Variants in NDUFS1 observed in about 807,000 individuals in gnomAD.
NDUFS1 encodes the protein NADH:ubiquinone oxidoreductase core subunit S1.
A neutral mutation model predicts 84.4 loss-of-function variants in NDUFS1; 61 were observed. The observed-to-expected ratio is 0.72, with a 90% confidence interval of 0.59 to 0.89. NDUFS1 has a LOEUF of 0.89. NDUFS1 is among the 40% of genes least tolerant of loss of function. The pLI is 0.00. For synonymous variants in NDUFS1, 275 were observed against 290.0 expected (o/e 0.95, Z 0.53); for missense variants, 891 against 890.0 (o/e 1.00, Z -0.01).
In NDUFS1 at chr2:206,116,417, C is replaced by T. The variant is rs1280238353; in HGVS notation, c.*7768G>A. ...CGCCCATCCCAAGCTGCCAGGGCCT[C>T]GATAGGCAGGGCGCGGCAGGTGCCA... On this transcript the variant is annotated 3_prime_UTR_variant, in exon 19 of 19. Coordinates refer to ENST00000233190, the MANE Select transcript of NDUFS1 (RefSeq NM_005006.7). The T allele has an allele frequency of 1.2e-4, 95 of 809,854 alleles. No individual in the cohort carries two copies. The highest frequency in any genetic ancestry group is 2.8e-4 in the Middle Eastern group (1 of 3,608). 50.2% of individuals were successfully genotyped at this position (809,854 alleles called of 1,614,324 possible).
intron 1 of NDUFS1, among the ~76,000 whole-genome samples, chr2:206,158,896 A>G (rs4147708): frequency 0.53 from 79,799 of 151,826 alleles, 22,474 homozygotes; most frequent in African/African-American, 0.73. Flanking sequence ...AACAAACAGA[A>G]GCGTGAGCCA....
chr2:206,123,624 A>G lies in NDUFS1; in HGVS notation c.*561T>C, dbSNP rs146538309. On this transcript the variant is annotated 3_prime_UTR_variant, in exon 19 of 19. Transcript: ENST00000233190. ...TAAAATGAGATAATACTACTATCTC[A>G]CAGGGTTGTAGCAAGAACAAAAGAA... is the stretch of plus-strand genomic sequence containing the variant. 216 of 152,712 alleles carry G rather than the reference A, an allele frequency of 1.4e-3. No homozygotes were observed. The highest frequency in any genetic ancestry group is 4.3e-3 in the Admixed American group (66 of 15,320). The allele number at this position is 152,712 out of a possible 1,614,324, so 9.5% of individuals were successfully genotyped here.
chr2:206,123,751 C>T lies in NDUFS1; in HGVS notation c.*434G>A, dbSNP rs1030859213. 2 of 161,212 alleles carry T rather than the reference C, an allele frequency of 1.2e-5. No individual in the cohort carries two copies. The highest frequency in any genetic ancestry group is 4.8e-5 in the African/African-American group (2 of 41,498). 10.0% of individuals were successfully genotyped at this position (161,212 alleles called of 1,614,324 possible). ...TTATTAATTATAATTATCCTAGATA[C>T]ATATCTGAGCATGATTATGTATTTT... On this transcript the variant is annotated 3_prime_UTR_variant, in exon 19 of 19. Coordinates refer to ENST00000233190, the MANE Select transcript of NDUFS1 (RefSeq NM_005006.7).
chr2:206,154,333 G>A (rs193243612), intron 1 of NDUFS1, among the ~76,000 whole-genome samples: 1 of 152,324 alleles, frequency 6.6e-6, no homozygotes, highest in Non-Finnish European at 1.5e-5. Flanking sequence ...CTCAACTGAG[G>A]ACAATTTTGC....
chr2:206,158,177 T>A (rs1039865841), intron 1 of NDUFS1, among the ~76,000 whole-genome samples: 1 of 152,074 alleles, frequency 6.6e-6, no homozygotes, highest in Admixed American at 6.6e-5. Flanking sequence ...TTAGCCAGGA[T>A]GGTCTCGATC....
At chr2:206,138,853 C>T (rs770817746) in intron 12 of NDUFS1, among the ~76,000 whole-genome samples, 49 of 152,222 alleles carry the variant, frequency 3.2e-4, no homozygotes, top group Non-Finnish European at 6.0e-4. Context: ...CAGTGGCTCA[C>T]ACCTGTAAAT....
At chr2:206,131,352 C>G (rs1426599504) in intron 14 of NDUFS1, among the ~76,000 whole-genome samples, 1 of 152,122 alleles carries the variant, frequency 6.6e-6, no homozygotes, top group Non-Finnish European at 1.5e-5. Context: ...ATAGTATATT[C>G]ATGATATCAA....
rs1691311992 is a variant in NDUFS1, at chr2:206,126,817, T to C, written c.1912A>G (p.Thr638Ala). ...EIAGMTLPYD[T>A]LDQVRNRLEE... Reference sequence around the variant, plus strand: ...AATCTGTTCCTTACTTGATCCAGAGTATCATATGGAAGAGTCATTCCAGCA... The same window carrying C: ...AATCTGTTCCTTACTTGATCCAGAGCATCATATGGAAGAGTCATTCCAGCA... The change falls in exon 17 of 19, where the codon ACT becomes GCT. Residue 638 changes from threonine to alanine, a missense_variant. By Grantham distance (58) the Thr-to-Ala change is moderately conservative. Transcript: ENST00000233190. 1.2e-6 allele frequency: 2 copies of C among 1,613,944 alleles called. No individual in the cohort carries two copies. Among genetic ancestry groups the C allele is most frequent in the African/African-American group, 2.7e-5 (2 of 74,890 alleles).
At position 206,142,007 on chromosome 2, in the gene NDUFS1, A is replaced by T; in HGVS notation, c.1196T>A (p.Val399Asp). The part of the protein sequence containing the change: ...TTIAGVEEAD[V>D]VLLVGTNPRF... The stretch of plus-strand genomic sequence containing the variant: ...TGGGTTTGTACCAACCAGAAGAACA[A>T]CATCTGCCTCTTCCACACCAGCAAT... Residue 399 changes from valine (V) to aspartate (D), a missense_variant, in exon 12 of 19, where the codon GTT (valine) becomes GAT (aspartate). Coordinates refer to ENST00000233190, the MANE Select transcript of NDUFS1 (RefSeq NM_005006.7). 1 of 1,608,430 alleles carries T rather than the reference A, an allele frequency of 6.2e-7. No individual in the cohort carries two copies. Among genetic ancestry groups the T allele is most frequent in the South Asian group, 1.1e-5 (1 of 91,002 alleles).
intron 15 of NDUFS1, among the ~76,000 whole-genome samples, chr2:206,129,377 C>A (rs1691418061): frequency 6.6e-6 from 1 of 152,062 alleles, no homozygotes; most frequent in Non-Finnish European, 1.5e-5. Flanking sequence ...ATCCTCCCAC[C>A]TCAGCCTCCT....
intron 3 of NDUFS1, among the ~76,000 whole-genome samples, chr2:206,151,744 C>T (rs925305985): frequency 2.0e-5 from 3 of 152,148 alleles, no homozygotes; most frequent in African/African-American, 7.2e-5. Flanking sequence ...GGATATATTC[C>T]TATGAATATT....
intron 10 of NDUFS1, 144 bp from the exon 11 acceptor site, chr2:206,142,975 G>C (rs764789573): frequency 1.0e-4 from 117 of 1,160,788 alleles, no homozygotes; most frequent in Admixed American, 4.1e-4. Flanking sequence ...AACATGCCCA[G>C]GCACACTGGC....
At chr2:206,136,886 G>C (rs1691738147) in intron 13 of NDUFS1, among the ~76,000 whole-genome samples, 1 of 151,760 alleles carries the variant, frequency 6.6e-6, no homozygotes, top group Non-Finnish European at 1.5e-5. Context: ...CTCCTGAGTA[G>C]CTGGGATTAT....
rs753043142 is a variant in NDUFS1, at chr2:206,147,492, A to C, written c.551+39T>G. ...TCAAATTGTGACTATTAAGTATACA[A>C]TTATATTCTATAATAGAAAAAAAAG... is the stretch of plus-strand genomic sequence containing the variant. On this transcript the variant is annotated intron_variant, in intron 7 of 18. Transcript: ENST00000233190. 4 of 1,570,424 alleles carry C rather than the reference A, an allele frequency of 2.5e-6. No individual in the cohort carries two copies. In the East Asian group the frequency reaches 7.1e-5, roughly 28 times the overall value.
intron 13 of NDUFS1, among the ~76,000 whole-genome samples, chr2:206,136,161 T>C (rs1398283993): frequency 6.6e-6 from 1 of 150,722 alleles, no homozygotes; most frequent in Non-Finnish European, 1.5e-5. Flanking sequence ...AGTGATTCTC[T>C]TGCCCCAGCC....
intron 18 of NDUFS1, among the ~76,000 whole-genome samples, chr2:206,125,689 T>C (rs975927990): frequency 1.4e-4 from 21 of 151,872 alleles, no homozygotes; most frequent in African/African-American, 4.6e-4. Context: ...CAGGGGTACA[T>C]GTGAAGGCTT....
chr2:206,122,119 G>A lies in NDUFS1; in HGVS notation c.*2066C>T, dbSNP rs1212236016. 6.6e-6 allele frequency: 1 copy of A among 152,068 alleles called. No homozygotes were observed. Among genetic ancestry groups the A allele is most frequent in the Non-Finnish European group, 1.5e-5 (1 of 68,018 alleles). The allele number at this position is 152,068 out of a possible 1,614,324, so 9.4% of individuals were successfully genotyped here. On this transcript the variant is annotated 3_prime_UTR_variant, in exon 19 of 19. Transcript: ENST00000233190. The stretch of plus-strand genomic sequence containing the variant: ...AACAGTTCTAAAAGCTGGTACAGGT[G>A]ACAAATTTTGTGCAATTTTAAGTTT...
At chr2:206,135,026 T>C (rs1307649918) in intron 13 of NDUFS1, among the ~76,000 whole-genome samples, 1 of 149,220 alleles carries the variant, frequency 6.7e-6, no homozygotes, top group Non-Finnish European at 1.5e-5. Context: ...AGAGTTGTTT[T>C]TTTTTCTTTT....
chr2:206,126,855 T>C lies in NDUFS1; in HGVS notation c.1885-11A>G. On this transcript the variant is annotated splice_polypyrimidine_tract_variant and intron_variant, in intron 16 of 18. Transcript: ENST00000233190. ...AGTCATTCCAGCAATCTACAACATG[T>C]CAGGTCCCCAAAAACAACAAAAAGC... is the stretch of plus-strand genomic sequence containing the variant. 3.7e-6 allele frequency: 6 copies of C among 1,613,934 alleles called. No individual in the cohort carries two copies. The highest frequency in any genetic ancestry group is 5.1e-6 in the Non-Finnish European group (6 of 1,179,986).
Sources: allele counts gnomAD v4.1 joint callset (sites outside exome capture counted in the v4.1 genomes callset), GRCh38; gene constraint gnomAD v4.1.1; transcripts MANE v1.5; gene names NCBI Gene and HGNC (gene_info 2026-07-23, HGNC 2026-07-21).